SUCLA2: variants seen among roughly 807,000 people sequenced by gnomAD.
The protein encoded by SUCLA2 is succinate--CoA ligase [ADP-forming] subunit beta, mitochondrial.
In SUCLA2, 30 loss-of-function variants were observed where a neutral mutation model predicts 54.8. The observed-to-expected ratio is 0.55, with a 90% CI of 0.41 to 0.74. The LOEUF (loss-of-function observed/expected upper bound fraction) is 0.74. Ranked by LOEUF, SUCLA2 falls within the 30% of genes least tolerant of loss-of-function variation. The pLI, the probability that SUCLA2 is intolerant of heterozygous loss-of-function variation, is 0.00. For synonymous variants in SUCLA2, 172 were observed against 188.9 expected, an observed-to-expected ratio of 0.91 and a Z score of 0.74; for missense variants, 476 against 562.9, an observed-to-expected ratio of 0.85 and a Z score of 1.56.
Position 47,943,367 on chromosome 13 carries a change from C to CA in SUCLA2, c.*3dup. On this transcript the variant is annotated 3_prime_UTR_variant, in exon 11 of 11. Transcript: ENST00000646932. ...CACCTTCAGCCATCCACTGGGTTTTCAGATCATATTGGCAACTGAAATTTC... is the reference window on the plus strand; with the variant it reads ...CACCTTCAGCCATCCACTGGGTTTTCAAGATCATATTGGCAACTGAAATTTC... The CA allele has an allele frequency of 1.2e-6, 2 of 1,613,606 alleles. No homozygotes were observed. The highest frequency in any genetic ancestry group is 1.7e-6 in the Non-Finnish European group (2 of 1,179,640).
chr13:47,978,211 A>C (rs952477003), intron 4 of SUCLA2, among the ~76,000 whole-genome samples: 6 of 152,066 alleles, frequency 3.9e-5, no homozygotes, highest in Non-Finnish European at 2.9e-5. Flanking sequence ...AAGCCAAGAC[A>C]CTCCTAAGCA....
At chr13:47,943,586 T>A (rs1189670687) in intron 10 of SUCLA2, 141 bp from the exon 11 acceptor site, 2 of 728,238 alleles carry the variant, frequency 2.7e-6, no homozygotes, top group South Asian at 3.3e-5. Flanking sequence ...TACGTTCTTA[T>A]AAGCAAATGA....
rs141863319 is a variant in SUCLA2 at position 47,973,932 on chromosome 13, C to T, written c.535-540G>A. Among the ~76,000 whole-genome samples, 490 of 151,942 alleles carry T rather than the reference C, an allele frequency of 3.2e-3. 4 individuals are homozygous for T. Among genetic ancestry groups the T allele is most frequent in the African/African-American group, 0.011 (466 of 41,432 alleles). ...GGGAGGGGAACATCACATACCAGGG[C>T]CTGTCAGGGGGCTGGGGCAAGGGGA... On this transcript the variant is annotated intron_variant, in intron 4 of 10. Transcript: ENST00000646932.
At chr13:47,980,807 T>C (rs1051575093) in intron 4 of SUCLA2, among the ~76,000 whole-genome samples, 2 of 152,100 alleles carry the variant, frequency 1.3e-5, no homozygotes, top group Admixed American at 6.5e-5. Context: ...GATTAAATGA[T>C]CTTCAACAAT....
At chr13:47,958,049 A>C (rs947058567) in intron 6 of SUCLA2, among the ~76,000 whole-genome samples, 6 of 152,178 alleles carry the variant, frequency 3.9e-5, no homozygotes, top group Non-Finnish European at 8.8e-5. Flanking sequence ...GCTGAATGAA[A>C]AAGTGGGATG....
intron 10 of SUCLA2, among the ~76,000 whole-genome samples, chr13:47,947,768 G>A (rs537116533): frequency 6.6e-6 from 1 of 152,270 alleles, no homozygotes; most frequent in South Asian, 2.1e-4. Flanking sequence ...AGAGAGGGCA[G>A]AGAACACAGT....
At position 47,949,546 on chromosome 13, in the gene SUCLA2, G is replaced by C. The variant is rs1171650303; in HGVS notation, c.1165C>G (p.Gln389Glu). 1 of 1,613,402 alleles carries C rather than the reference G, an allele frequency of 6.2e-7. No individual in the cohort carries two copies. The highest frequency in any genetic ancestry group is 1.1e-5 in the South Asian group (1 of 91,070). The change falls in exon 9 of 11, where the codon CAG becomes GAG. Residue 389 changes from glutamine (Q) to glutamate (E), a missense_variant. Physicochemically the swap from Gln to Glu is conservative, Grantham distance 29 (BLOSUM62 2). This residue lies in a region of SUCLA2 where 342 missense variants were observed against 444.2 expected (regional missense o/e 0.77). Coordinates refer to ENST00000646932, the MANE Select transcript of SUCLA2 (RefSeq NM_003850.3). Reference sequence around the variant, plus strand: ...TCTTTTACTGCCATGACTATACCCTGTGCAATAACATCACAGCGCATGATT... The same window carrying C: ...TCTTTTACTGCCATGACTATACCCTCTGCAATAACATCACAGCGCATGATT... ...GGIMRCDVIA[Q>E]GIVMAVKDLE...
chr13:47,987,892 T>C (rs1700121314), intron 4 of SUCLA2: 1 of 152,020 alleles, frequency 6.6e-6, no homozygotes, highest in Non-Finnish European at 1.5e-5. Flanking sequence ...GAAAAACAGA[T>C]AATTCTAGTA....
intron 4 of SUCLA2, among the ~76,000 whole-genome samples, chr13:47,985,537 T>A (rs1950095724): frequency 6.6e-6 from 1 of 152,184 alleles, no homozygotes; most frequent in Admixed American, 6.5e-5. Context: ...GGCTTCCAAC[T>A]CCATCCATAT....
At chr13:47,965,013 C>T (rs1949906534) in intron 6 of SUCLA2, among the ~76,000 whole-genome samples, 1 of 147,842 alleles carries the variant, frequency 6.8e-6, no homozygotes, top group African/African-American at 2.5e-5. Context: ...GCCACAGGAG[C>T]AAGCCTGAAA....
chr13:47,990,401 C>T (rs1455667939), intron 2 of SUCLA2, among the ~76,000 whole-genome samples: 1 of 152,082 alleles, frequency 6.6e-6, no homozygotes, highest in African/African-American at 2.4e-5. Context: ...TTGATCATTA[C>T]ACACTCTATG....
intron 2 of SUCLA2, among the ~76,000 whole-genome samples, chr13:47,993,496 A>T (rs1446110016): frequency 6.6e-6 from 1 of 152,114 alleles, no homozygotes; most frequent in Non-Finnish European, 1.5e-5. Context: ...CCTAACCTCA[A>T]TTATTCACAG....
intron 1 of SUCLA2, among the ~76,000 whole-genome samples, chr13:47,997,784 T>C (rs1950201699): frequency 6.6e-6 from 1 of 152,208 alleles, no homozygotes; most frequent in South Asian, 2.1e-4. Flanking sequence ...GTCCTAAGAA[T>C]TAAATTTAAA....
chr13:47,943,920 T>C (rs1194529220), intron 10 of SUCLA2, among the ~76,000 whole-genome samples: 1 of 151,996 alleles, frequency 6.6e-6, no homozygotes, highest in African/African-American at 2.4e-5. Context: ...GAAATTTGGG[T>C]CTACTAGTTA....
intron 4 of SUCLA2, among the ~76,000 whole-genome samples, chr13:47,982,869 A>G (rs745621925): frequency 6.6e-6 from 1 of 152,206 alleles, no homozygotes; most frequent in Non-Finnish European, 1.5e-5. Flanking sequence ...TTGGCTGGTT[A>G]TGATTTTTAT....
chr13:47,983,624 G>A (rs1396581370), intron 4 of SUCLA2, among the ~76,000 whole-genome samples: 1 of 151,902 alleles, frequency 6.6e-6, no homozygotes, highest in Non-Finnish European at 1.5e-5. Context: ...GGAGTAGCTG[G>A]GACTACAGGC....
At position 47,968,710 on chromosome 13, in the gene SUCLA2, T is replaced by C. The variant is rs769251837; in HGVS notation, c.687A>G (p.Pro229=). The change falls in exon 6 of 11, where the codon CCA becomes CCG. Residue 229 remains proline (P), a synonymous_variant. Transcript: ENST00000646932. ...ALQLAQKMGF[P]PNIVESAAEN... ...CTGCTGCTGATTCCACAATATTAGGTGGAAATCCCATCTTCTGTGCAAGCT... is the reference window on the plus strand; with the variant it reads ...CTGCTGCTGATTCCACAATATTAGGCGGAAATCCCATCTTCTGTGCAAGCT... 8.1e-6 allele frequency: 13 copies of C among 1,612,400 alleles called. No homozygotes were observed. The highest frequency in any genetic ancestry group is 1.0e-5 in the Non-Finnish European group (12 of 1,179,894).
chr13:47,963,462 G>A (rs1949888612), intron 6 of SUCLA2, among the ~76,000 whole-genome samples: 1 of 152,082 alleles, frequency 6.6e-6, no homozygotes, highest in Admixed American at 6.5e-5. Context: ...TGGCTAACAT[G>A]GAGAAACACC....
Position 47,954,141 on chromosome 13 carries a change from T to C in SUCLA2, c.1106A>G (p.Lys369Arg). 6.2e-7 allele frequency: 1 copy of C among 1,613,132 alleles called. No individual in the cohort carries two copies. Among genetic ancestry groups the C allele is most frequent in the Non-Finnish European group, 8.5e-7 (1 of 1,179,384 alleles). The change falls in exon 8 of 11, where the codon AAG (lysine) becomes AGG (arginine). Residue 369 changes from lysine (K) to arginine (R), a missense_variant and splice_region_variant. By Grantham distance (26) the Lys-to-Arg change is conservative. Coordinates refer to ENST00000646932, the MANE Select transcript of SUCLA2 (RefSeq NM_003850.3). The stretch of plus-strand genomic sequence containing the variant: ...AAATATATCAAGCCCTGCCCTTACC[T>C]TTTTATCTGAAGTGATAAGCTTAAA... The part of the protein sequence containing the change: ...EAFKLITSDK[K>R]VLAILVNIFG...
Sources: allele counts gnomAD v4.1 joint callset (sites outside exome capture counted in the v4.1 genomes callset), GRCh38; gene constraint gnomAD v4.1.1; regional missense constraint gnomAD v4.1.1; transcripts MANE v1.5; gene names NCBI Gene and HGNC (gene_info 2026-07-23, HGNC 2026-07-21).